MCM5: variants seen among roughly 807,000 people sequenced by gnomAD.
MCM5 encodes DNA replication licensing factor MCM5.
In MCM5, 46 loss-of-function variants were observed where a neutral mutation model predicts 79.9. That is an observed-to-expected ratio of 0.58 (90% CI 0.45 to 0.74). MCM5 has a LOEUF of 0.74. MCM5 is among the 30% of genes least tolerant of loss of function. The probability of loss-of-function intolerance (pLI) is 0.00; values close to 1 mark genes in which losing one functional copy is unlikely to be tolerated. For missense variants in MCM5, 883 were observed against 1,017.0 expected (o/e 0.87, Z 1.79); for synonymous variants, 404 against 390.5 (o/e 1.03, Z -0.41).
chr22:35,436,203 G>A, the MCM5 span, among the ~76,000 whole-genome samples: 1 of 151,580 alleles, frequency 6.6e-6, no homozygotes, highest in Non-Finnish European at 1.5e-5. Flanking sequence ...AAAATGGAGG[G>A]AAAATGGCTA....
Position 35,403,465 on chromosome 22 carries a change from T to C in MCM5, c.346T>C (p.Ser116Pro). The stretch of plus-strand genomic sequence containing the variant: ...TGATGAGGTGACCCGGCCCCGGCCT[T>C]CTGGGGAGGAGGTGCTCCAGGACAT... ...VADEVTRPRP[S>P]GEEVLQDIQV... The change falls in exon 4 of 17, where the codon TCT becomes CCT. Residue 116 changes from serine to proline, a missense_variant. Around this residue, in one of 3 missense-constraint regions of MCM5, gnomAD observed 455 missense variants for 517.5 expected, o/e 0.88. Coordinates refer to ENST00000216122, the MANE Select transcript of MCM5 (RefSeq NM_006739.4). The C allele has an allele frequency of 6.2e-7, 1 of 1,614,162 alleles. No individual in the cohort carries two copies. Among genetic ancestry groups the C allele is most frequent in the South Asian group, 1.1e-5 (1 of 91,074 alleles).
At chr22:35,412,128 C>T (rs950831165) in intron 7 of MCM5, among the ~76,000 whole-genome samples, 1 of 152,224 alleles carries the variant, frequency 6.6e-6, no homozygotes, top group African/African-American at 2.4e-5. Context: ...TGATCCTCCC[C>T]AGTGTTCGTC....
intron 4 of MCM5, among the ~76,000 whole-genome samples, chr22:35,403,909 A>G (rs1161507831): frequency 6.6e-6 from 1 of 151,082 alleles, no homozygotes; most frequent in Non-Finnish European, 1.5e-5. Context: ...TGATACCGGG[A>G]GTTTGAGACC....
chr22:35,416,231 G>T, intron 10 of MCM5, 108 bp from the exon 11 acceptor site: 1 of 1,144,158 alleles, frequency 8.7e-7, no homozygotes, highest in South Asian at 1.3e-5. Context: ...TTGGCCTTGC[G>T]TGGAGCTGGT....
chr22:35,417,888 G>C, intron 13 of MCM5, 32 bp downstream of exon 13: 11 of 1,540,508 alleles, frequency 7.1e-6, no homozygotes, highest in Non-Finnish European at 9.9e-6. Flanking sequence ...ACGGGGGTGA[G>C]GTTGCCCAGC....
the MCM5 span, among the ~76,000 whole-genome samples, chr22:35,438,472 C>A: frequency 2.6e-5 from 1 of 38,644 alleles, no homozygotes; most frequent in Non-Finnish European, 8.0e-5. Flanking sequence ...TCCATCCATC[C>A]ACATATCCAT....
At chr22:35,451,142 T>C in the MCM5 span, among the ~76,000 whole-genome samples, 1 of 152,214 alleles carries the variant, frequency 6.6e-6, no homozygotes, top group Non-Finnish European at 1.5e-5. Flanking sequence ...TGCAGCCACC[T>C]TGGGCCAACA....
At position 35,419,880 on chromosome 22, in the gene MCM5, G is replaced by T. The variant is rs201380748; in HGVS notation, c.1704-4G>T. ...CACACCAGCCTCTCCCCACTGTCCT[G>T]CAGGAAGTGTGGCCCCCGGCTGTCA... On this transcript the variant is annotated splice_polypyrimidine_tract_variant and splice_region_variant and intron_variant, in intron 13 of 16. Transcript: ENST00000216122. 36 of 1,609,822 alleles carry T rather than the reference G, an allele frequency of 2.2e-5. No individual in the cohort carries two copies. The East Asian group carries it at 7.6e-4, about 34-fold the overall frequency.
rs2145782716 is a variant in MCM5, at chr22:35,403,460, G to A, written c.341G>A (p.Arg114Gln). ...KEVADEVTRPRPSGEEVLQDI... is the reference protein window; with the variant it reads ...KEVADEVTRPQPSGEEVLQDI... The stretch of plus-strand genomic sequence containing the variant: ...GTAGCTGATGAGGTGACCCGGCCCC[G>A]GCCTTCTGGGGAGGAGGTGCTCCAG... Residue 114 changes from arginine (R) to glutamine (Q), a missense_variant, in exon 4 of 17, where the codon CGG (arginine) becomes CAG (glutamine). Physicochemically the swap from Arg to Gln is conservative, Grantham distance 43 (BLOSUM62 1). This residue lies in a region of MCM5 where 455 missense variants were observed against 517.5 expected (regional missense o/e 0.88). Coordinates refer to ENST00000216122, the MANE Select transcript of MCM5 (RefSeq NM_006739.4). The A allele has an allele frequency of 3.7e-6, 6 of 1,614,186 alleles. No homozygotes were observed. Among genetic ancestry groups the A allele is most frequent in the Non-Finnish European group, 5.1e-6 (6 of 1,180,046 alleles).
At chr22:35,403,110 G>T in intron 2 of MCM5, 97 bp from the exon 3 acceptor site, 1 of 1,436,490 alleles carries the variant, frequency 7.0e-7, no homozygotes, top group East Asian at 2.3e-5. Flanking sequence ...GGTGGCTGTG[G>T]TGTGGGCAGA....
chr22:35,451,534 G>C, the MCM5 span, among the ~76,000 whole-genome samples: 55 of 152,350 alleles, frequency 3.6e-4, 1 homozygote, highest in Middle Eastern at 0.01. Flanking sequence ...CCCCAGACGG[G>C]CCTCGAGCCT....
At chr22:35,410,504 C>T (rs1039656160) in intron 6 of MCM5, 11 of 491,618 alleles carry the variant, frequency 2.2e-5, no homozygotes, top group African/African-American at 1.8e-4. Flanking sequence ...CACCACCTGC[C>T]TTTCTGTTTG....
At chr22:35,429,919 A>G (rs1170318402), downstream of MCM5, among the ~76,000 whole-genome samples, 4 of 152,216 alleles carry the variant, frequency 2.6e-5, no homozygotes, top group Admixed American at 6.5e-5. Context: ...TCCATGCTCA[A>G]TAGCTGTGGA....
chr22:35,429,241 C>T (rs1331507931), downstream of MCM5, among the ~76,000 whole-genome samples: 1 of 151,990 alleles, frequency 6.6e-6, no homozygotes, highest in Non-Finnish European at 1.5e-5. Flanking sequence ...CTGCCTCGGC[C>T]TCCCAAAGTT....
intron 16 of MCM5, 46 bp from the exon 17 acceptor site, chr22:35,424,108 T>A: frequency 1.5e-6 from 2 of 1,311,140 alleles, no homozygotes; most frequent in Non-Finnish European, 2.1e-6. Context: ...TCTGTCGGAG[T>A]CCCCTCGGGC....
the MCM5 span, among the ~76,000 whole-genome samples, chr22:35,443,172 A>C: frequency 2.1e-4 from 32 of 152,280 alleles, no homozygotes; most frequent in South Asian, 6.4e-3. Context: ...GAGTGAGGCG[A>C]GCAAGGTGCC....
chr22:35,402,387 C>T (rs1379141866), intron 2 of MCM5, among the ~76,000 whole-genome samples: 1 of 149,694 alleles, frequency 6.7e-6, no homozygotes, highest in Admixed American at 6.7e-5. Flanking sequence ...AGTACAGTGG[C>T]GTGATCTTGG....
chr22:35,438,563 C>CCAT, the MCM5 span, among the ~76,000 whole-genome samples: 12 of 105,674 alleles, frequency 1.1e-4, no homozygotes, highest in East Asian at 2.4e-3. Flanking sequence ...ACATATTCAT[C>CCAT]CATCCATCCA....
the MCM5 span, among the ~76,000 whole-genome samples, chr22:35,443,788 C>G: frequency 6.6e-6 from 1 of 152,180 alleles, no homozygotes; most frequent in Non-Finnish European, 1.5e-5. Flanking sequence ...GTGGCTCTGC[C>G]TCCCGCACTG....
Sources: gnomAD v4.1 joint callset for allele counts (sites outside exome capture counted in the v4.1 genomes callset) on GRCh38, gnomAD v4.1.1 for gene constraint, gnomAD v4.1.1 regional missense constraint, MANE v1.5 for transcripts, NCBI Gene and HGNC (gene_info 2026-07-23, HGNC 2026-07-21) for gene names.